The following SELENOT variants were observed in gnomAD, a reference collection of about 807,000 sequenced individuals.
SELENOT encodes the protein selenoprotein T.
In SELENOT, 9 loss-of-function variants were observed where a neutral mutation model predicts 24.3. The observed-to-expected ratio is 0.37, with a 90% CI of 0.22 to 0.65. The LOEUF (loss-of-function observed/expected upper bound fraction) is 0.65. SELENOT is among the 30% of genes least tolerant of loss of function. The pLI is 0.60. For missense variants in SELENOT, 166 were observed against 247.6 expected, an observed-to-expected ratio of 0.67 and a Z score of 2.21; for synonymous variants, 81 against 86.0, an observed-to-expected ratio of 0.94 and a Z score of 0.32.
intron 1 of SELENOT, chr3:150,611,723 T>TGCCAGGAGCCCGGCCTGGCCGCC: frequency 6.3e-7 from 1 of 1,578,384 alleles, no homozygotes. Context: ...GCAGCACAGT[T>TGCCAGGAGCCCGGCCTGGCCGCC]GCCAGGAGCC....
At chr3:150,607,345 T>G (rs570997132) in intron 1 of SELENOT, among the ~76,000 whole-genome samples, 1 of 152,340 alleles carries the variant, frequency 6.6e-6, no homozygotes, top group Admixed American at 6.5e-5. Flanking sequence ...TAAGGTTGAT[T>G]TGGATGTTGA....
chr3:150,603,594 A>C, intron 1 of SELENOT, 95 bp downstream of exon 1: 6 of 1,350,678 alleles, frequency 4.4e-6, no homozygotes, highest in Non-Finnish European at 6.0e-6. Flanking sequence ...AAATGGCCGC[A>C]TCTTCGCTGG....
At chr3:150,613,784 A>G (rs1249314326) in intron 1 of SELENOT, among the ~76,000 whole-genome samples, 1 of 150,292 alleles carries the variant, frequency 6.7e-6, no homozygotes, top group East Asian at 2.0e-4. Context: ...TTCTCAACAC[A>G]TGGTGTGTTG....
intron 1 of SELENOT, chr3:150,611,998 G>C (rs1026505051): frequency 3.7e-6 from 2 of 537,804 alleles, no homozygotes; most frequent in Admixed American, 7.6e-5. Flanking sequence ...TGGGCCTGCT[G>C]CTGCTGGCGC....
chr3:150,603,334 G>A lies in SELENOT; in HGVS notation c.-29G>A. On this transcript the variant is annotated 5_prime_UTR_variant, in exon 1 of 6. Coordinates refer to ENST00000471696, the MANE Select transcript of SELENOT (RefSeq NM_016275.5). ...TTTGGGCTGGCTGCAGTCTGTCTGA[G>A]GGCGGCCGAAGTGGCTGGCTCATTT... The A allele has an allele frequency of 6.2e-7, 1 of 1,604,098 alleles. No homozygotes were observed. The highest frequency in any genetic ancestry group is 8.5e-7 in the Non-Finnish European group (1 of 1,172,854).
At chr3:150,612,623 T>G (rs1389659068) in intron 1 of SELENOT, among the ~76,000 whole-genome samples, 1 of 152,216 alleles carries the variant, frequency 6.6e-6, no homozygotes, top group African/African-American at 2.4e-5. Flanking sequence ...GAGGGTTTAA[T>G]AAGAATATAG....
chr3:150,614,999 A>G (rs902897370), intron 1 of SELENOT, among the ~76,000 whole-genome samples: 2 of 138,784 alleles, frequency 1.4e-5, no homozygotes, highest in African/African-American at 5.3e-5. Flanking sequence ...ATATCTCCCA[A>G]TGCTATCCCT....
rs1726495646 is a variant in SELENOT at position 150,628,780 on chromosome 3, G to A, written c.*1151G>A. 1 of 152,172 alleles carries A rather than the reference G, an allele frequency of 6.6e-6. No individual in the cohort carries two copies. 9.4% of individuals were successfully genotyped at this position (152,172 alleles called of 1,614,324 possible). A position where few individuals can be genotyped will look rare whatever the true frequency, so the allele number is the denominator to read the frequency against. On this transcript the variant is annotated 3_prime_UTR_variant, in exon 6 of 6. Coordinates refer to ENST00000471696, the MANE Select transcript of SELENOT (RefSeq NM_016275.5). ...AATTTAGCAGAAATAGAACCAGAAT[G>A]TAGAAGAGTAGTCATGTAACAGCAG...
chr3:150,617,229 A>G lies in SELENOT; in HGVS notation c.138-5156A>G, dbSNP rs1231764368. Among the ~76,000 whole-genome samples the G allele has an allele frequency of 2.0e-5, 3 of 152,164 alleles. No homozygotes were observed. The South Asian group carries it at 6.2e-4, about 31-fold the overall frequency. On this transcript the variant is annotated intron_variant, in intron 1 of 5. Coordinates refer to ENST00000471696, the MANE Select transcript of SELENOT (RefSeq NM_016275.5). Reference sequence around the variant, plus strand: ...TTCCTTTTTTTCTCATCTCTTGCCAACCTGTGTTTCTTATAACTAGTCTTA... The same window carrying G: ...TTCCTTTTTTTCTCATCTCTTGCCAGCCTGTGTTTCTTATAACTAGTCTTA...
At chr3:150,625,186 A>G (rs1463021430) in intron 4 of SELENOT, among the ~76,000 whole-genome samples, 2 of 151,672 alleles carry the variant, frequency 1.3e-5, no homozygotes, top group Non-Finnish European at 2.9e-5. Context: ...TGTGAACTTT[A>G]TCTACTCCCA....
At chr3:150,611,554 C>T (rs1419332731) in intron 1 of SELENOT, 5 of 1,207,918 alleles carry the variant, frequency 4.1e-6, no homozygotes, top group Non-Finnish European at 6.2e-6. Context: ...TCTTCTGTTT[C>T]GAATACTCTG....
intron 1 of SELENOT, among the ~76,000 whole-genome samples, chr3:150,618,430 T>C (rs943878474): frequency 2.0e-5 from 3 of 152,154 alleles, no homozygotes; most frequent in African/African-American, 7.2e-5. Context: ...TGCGAGAGAT[T>C]GGGGTTTATG....
chr3:150,628,774 C>T lies in SELENOT; in HGVS notation c.*1145C>T, dbSNP rs921589785. 3 of 151,754 alleles carry T rather than the reference C, an allele frequency of 2.0e-5. No homozygotes were observed. The highest frequency in any genetic ancestry group is 4.4e-5 in the Non-Finnish European group (3 of 67,922). 9.4% of individuals were successfully genotyped at this position (151,754 alleles called of 1,614,324 possible). A position where few individuals can be genotyped will look rare whatever the true frequency, so the allele number is the denominator to read the frequency against. ...AAGAATAATTTAGCAGAAATAGAACCAGAATGTAGAAGAGTAGTCATGTAA... is the reference window on the plus strand; with the variant it reads ...AAGAATAATTTAGCAGAAATAGAACTAGAATGTAGAAGAGTAGTCATGTAA... On this transcript the variant is annotated 3_prime_UTR_variant, in exon 6 of 6. Coordinates refer to ENST00000471696, the MANE Select transcript of SELENOT (RefSeq NM_016275.5).
intron 5 of SELENOT, among the ~76,000 whole-genome samples, chr3:150,627,437 A>T (rs1488940073): frequency 6.6e-6 from 1 of 152,212 alleles, no homozygotes; most frequent in Admixed American, 6.5e-5. Flanking sequence ...TTGATATATT[A>T]TGCTAGAGGT....
At chr3:150,615,833 G>T (rs1051242267) in intron 1 of SELENOT, among the ~76,000 whole-genome samples, 1 of 151,826 alleles carries the variant, frequency 6.6e-6, no homozygotes, top group African/African-American at 2.4e-5. Context: ...TTTCTTCACA[G>T]AATTGGAAAA....
At position 150,623,133 on chromosome 3, in the gene SELENOT, A is replaced by C; in HGVS notation, c.339A>C (p.Gln113His). 1 of 1,606,106 alleles carries C rather than the reference A, an allele frequency of 6.2e-7. No individual in the cohort carries two copies. Among genetic ancestry groups the C allele is most frequent in the Non-Finnish European group, 8.5e-7 (1 of 1,176,434 alleles). The stretch of plus-strand genomic sequence containing the variant: ...ATCCTTTTGCTTTCTTTGGCATGCA[A>C]GCTCCTAGCATCTGGCAGTGGGGCC... ...GKDPFAFFGM[Q>H]APSIWQWGQE... Residue 113 changes from glutamine to histidine, a missense_variant, in exon 3 of 6, where the codon CAA becomes CAC. By Grantham distance (24) the Gln-to-His change is conservative (BLOSUM62 0). Coordinates refer to ENST00000471696, the MANE Select transcript of SELENOT (RefSeq NM_016275.5).
chr3:150,609,674 C>A (rs1476656996), intron 1 of SELENOT, among the ~76,000 whole-genome samples: 1 of 152,104 alleles, frequency 6.6e-6, no homozygotes, highest in African/African-American at 2.4e-5. Flanking sequence ...TTTAACACAT[C>A]CTCTGTCAGG....
intron 1 of SELENOT, among the ~76,000 whole-genome samples, chr3:150,607,557 A>G (rs1406857833): frequency 6.6e-6 from 1 of 152,242 alleles, no homozygotes; most frequent in Non-Finnish European, 1.5e-5. Context: ...ACATTAATCC[A>G]TGGACTGACC....
intron 3 of SELENOT, among the ~76,000 whole-genome samples, chr3:150,624,094 A>G (rs1726393732): frequency 6.6e-6 from 1 of 152,132 alleles, no homozygotes; most frequent in Non-Finnish European, 1.5e-5. Context: ...TGTAGGTTTT[A>G]TGACATTTCC....
Sources: gnomAD v4.1 joint callset for allele counts (sites outside exome capture counted in the v4.1 genomes callset) on GRCh38, gnomAD v4.1.1 for gene constraint, MANE v1.5 for transcripts, NCBI Gene and HGNC (gene_info 2026-07-23, HGNC 2026-07-21) for gene names.